RAB5B: variants seen among roughly 807,000 people sequenced by gnomAD.
The protein encoded by RAB5B is ras-related protein Rab-5B.
In RAB5B, 11 loss-of-function variants were observed where a neutral mutation model predicts 28.6. That is an observed-to-expected ratio of 0.38 (90% CI 0.24 to 0.64). RAB5B has a LOEUF of 0.64. Among genes scored for constraint, RAB5B ranks in the 30% least tolerant of loss-of-function variants. RAB5B has a pLI of 0.53. For missense variants in RAB5B, 169 were observed against 265.6 expected (o/e 0.64, Z 2.53); for synonymous variants, 93 against 97.9 (o/e 0.95, Z 0.29).
In RAB5B at chr12:55,992,389, G is replaced by A. The variant is rs1195866855; in HGVS notation, c.*177G>A. The A allele has an allele frequency of 1.4e-6, 1 of 691,504 alleles. No individual in the cohort carries two copies. Among genetic ancestry groups the A allele is most frequent in the South Asian group, 1.5e-5 (1 of 64,780 alleles). 42.8% of individuals were successfully genotyped at this position (691,504 alleles called of 1,614,324 possible). ...TTAACGCTTCAGCAACAAACACCAG[G>A]CAGCTGTTGCCACTGGCCTCCTACC... is the stretch of plus-strand genomic sequence containing the variant. On this transcript the variant is annotated 3_prime_UTR_variant, in exon 6 of 6. Coordinates refer to ENST00000360299, the MANE Select transcript of RAB5B (RefSeq NM_002868.4).
At chr12:55,990,964 CA>C (rs1890097631) in intron 4 of RAB5B, 160 bp downstream of exon 4, 4 of 947,814 alleles carry the variant, frequency 4.2e-6, no homozygotes, top group Non-Finnish European at 6.2e-6. Flanking sequence ...ACCCTAATGA[CA>C]GCCAGGAGAT....
intron 1 of RAB5B, chr12:55,981,128 A>T: frequency 9.2e-7 from 1 of 1,085,244 alleles, no homozygotes; most frequent in Non-Finnish European, 1.4e-6. Context: ...CAGTCGTGTG[A>T]TCTCGGCTCA....
intron 1 of RAB5B, among the ~76,000 whole-genome samples, chr12:55,982,769 C>T (rs1343918839): frequency 2.0e-5 from 3 of 152,158 alleles, no homozygotes; most frequent in Non-Finnish European, 2.9e-5. Flanking sequence ...GCAACTCAAG[C>T]GTGTCTGCAA....
chr12:55,987,009 A>T lies in RAB5B; in HGVS notation c.49A>T (p.Lys17Ter), dbSNP rs750928426. Residue 17 changes from lysine to a stop codon, truncating the protein, a stop_gained, in exon 2 of 6, where the codon AAA (lysine) becomes TAA (stop). Coordinates refer to ENST00000360299, the MANE Select transcript of RAB5B (RefSeq NM_002868.4). LOFTEE classifies it high-confidence loss of function. ...GCCCAATGGGCAACCCCAGGCCAGCAAAATTTGCCAGTTCAAATTGGTCCT... is the reference window on the plus strand; with the variant it reads ...GCCCAATGGGCAACCCCAGGCCAGCTAAATTTGCCAGTTCAAATTGGTCCT... ...ARPNGQPQAS[K>*]ICQFKLVLLG... is the part of the protein sequence containing the mutation. 1 of 1,590,722 alleles carries T rather than the reference A, an allele frequency of 6.3e-7. No individual in the cohort carries two copies. Among genetic ancestry groups the T allele is most frequent in the East Asian group, 2.3e-5 (1 of 43,072 alleles).
At chr12:55,980,945 T>G in intron 1 of RAB5B, 2 of 1,613,944 alleles carry the variant, frequency 1.2e-6, no homozygotes, top group Non-Finnish European at 8.5e-7. Flanking sequence ...GAAGTTGTCC[T>G]CTGCAAAGCG....
At chr12:55,990,584 A>AC in intron 3 of RAB5B, 98 bp from the exon 4 acceptor site, 2 of 1,459,192 alleles carry the variant, frequency 1.4e-6, no homozygotes, top group Non-Finnish European at 1.9e-6. Context: ...CTGAGGGAAG[A>AC]CCACCTAGAA....
At position 55,990,822 on chromosome 12, in the gene RAB5B, G is replaced by C. The variant is rs528966118; in HGVS notation, c.438+18G>C. On this transcript the variant is annotated intron_variant, in intron 4 of 5. Transcript: ENST00000360299. The stretch of plus-strand genomic sequence containing the variant: ...AGTATGAAGTAAGGTGGCCCGTGGA[G>C]TTCCTCTCTAACACTTCCTCTGTTC... 50 of 1,612,708 alleles carry C rather than the reference G, an allele frequency of 3.1e-5. No individual in the cohort carries two copies. In the South Asian group the frequency reaches 5.3e-4, roughly 17 times the overall value.
At chr12:55,982,354 T>G (rs1889832869) in intron 1 of RAB5B, among the ~76,000 whole-genome samples, 1 of 151,882 alleles carries the variant, frequency 6.6e-6, no homozygotes, top group South Asian at 2.1e-4. Flanking sequence ...TTTTTGAGAG[T>G]CTAGCTATTA....
intron 5 of RAB5B, 157 bp downstream of exon 5, chr12:55,991,610 A>G (rs1890124093): frequency 1.7e-6 from 1 of 597,878 alleles, no homozygotes; most frequent in Non-Finnish European, 3.0e-6. Flanking sequence ...CCTTGGCTGC[A>G]GCTTTAGCTC....
Position 55,996,622 on chromosome 12 carries a change from G to A in RAB5B, c.*4410G>A, listed in dbSNP as rs1383648626. 1.3e-5 allele frequency: 2 copies of A among 152,102 alleles called. No homozygotes were observed. The highest frequency in any genetic ancestry group is 2.9e-5 in the Non-Finnish European group (2 of 68,032). The allele number at this position is 152,102 out of a possible 1,614,324, so 9.4% of individuals were successfully genotyped here. A position where few individuals can be genotyped will look rare whatever the true frequency, so the allele number is the denominator to read the frequency against. On this transcript the variant is annotated 3_prime_UTR_variant, in exon 6 of 6. Transcript: ENST00000360299. Reference sequence around the variant, plus strand: ...CCTCCCGAGTACTGGGACTACAGGCGTGTGCCACCAAGGGGCGATTATTAT... The same window carrying A: ...CCTCCCGAGTACTGGGACTACAGGCATGTGCCACCAAGGGGCGATTATTAT...
chr12:55,987,967 T>A (rs745591721), intron 2 of RAB5B, among the ~76,000 whole-genome samples: 1 of 150,616 alleles, frequency 6.6e-6, no homozygotes, highest in South Asian at 2.1e-4. Context: ...GCCAACAAGG[T>A]GAAATCCCCG....
chr12:55,992,435 G>T lies in RAB5B; in HGVS notation c.*223G>T. ...CTACCCCCTACTCTGGGGCTTGGGG[G>T]TCAACTCCCCCCAGGACTTACCTTC... On this transcript the variant is annotated 3_prime_UTR_variant, in exon 6 of 6. Transcript: ENST00000360299. The T allele has an allele frequency of 1.5e-6, 1 of 679,778 alleles. No individual in the cohort carries two copies. Among genetic ancestry groups the T allele is most frequent in the Admixed American group, 2.1e-5 (1 of 47,792 alleles). The allele number at this position is 679,778 out of a possible 1,614,324, so 42.1% of individuals were successfully genotyped here.
At chr12:55,987,169 T>G (rs765031067) in intron 2 of RAB5B, 46 bp downstream of exon 2, 2 of 1,509,894 alleles carry the variant, frequency 1.3e-6, no homozygotes, top group Non-Finnish European at 1.8e-6. Flanking sequence ...GGTAAGGGTT[T>G]TTTTTTTTTT....
rs1890215279 is a variant in RAB5B at position 55,994,049 on chromosome 12, C to T, written c.*1837C>T. 1 of 152,664 alleles carries T rather than the reference C, an allele frequency of 6.6e-6. No homozygotes were observed. The allele number at this position is 152,664 out of a possible 1,614,324, so 9.5% of individuals were successfully genotyped here. A position where few individuals can be genotyped will look rare whatever the true frequency, so the allele number is the denominator to read the frequency against. On this transcript the variant is annotated 3_prime_UTR_variant, in exon 6 of 6. Transcript: ENST00000360299. The stretch of plus-strand genomic sequence containing the variant: ...CCTTCCTGCCCTTTTGGCTTGCAGA[C>T]TGCCTTCTATCCCAGAACAGCTGAG...
chr12:55,990,130 CTGGACATGG>C (rs1890066236), intron 3 of RAB5B, 32 bp downstream of exon 3: 5 of 1,593,186 alleles, frequency 3.1e-6, no homozygotes, highest in Non-Finnish European at 3.4e-6. Flanking sequence ...TCCTTGTTGG[CTGGACATGG>C]TGGCTTACGC....
At chr12:55,982,007 C>T (rs1409083350) in intron 1 of RAB5B, among the ~76,000 whole-genome samples, 3 of 151,774 alleles carry the variant, frequency 2.0e-5, no homozygotes, top group South Asian at 2.1e-4. Context: ...TCACCATGTT[C>T]GCCAGACTGG....
chr12:55,996,489 T>G lies in RAB5B; in HGVS notation c.*4277T>G, dbSNP rs912637182. 6.6e-6 allele frequency: 1 copy of G among 152,212 alleles called. No homozygotes were observed. Among genetic ancestry groups the G allele is most frequent in the Non-Finnish European group, 1.5e-5 (1 of 68,062 alleles). 9.4% of individuals were successfully genotyped at this position (152,212 alleles called of 1,614,324 possible). A position where few individuals can be genotyped will look rare whatever the true frequency, so the allele number is the denominator to read the frequency against. On this transcript the variant is annotated 3_prime_UTR_variant, in exon 6 of 6. Transcript: ENST00000360299. The stretch of plus-strand genomic sequence containing the variant: ...TTGCTCTTGTTAAGGGGCAGTTTGT[T>G]TTTTAAGAGATGGGGTCTTGCTCTG...
chr12:55,993,640 CCT>C lies in RAB5B; in HGVS notation c.*1429_*1430del. 1 of 152,664 alleles carries C rather than the reference CCT, an allele frequency of 6.6e-6. No homozygotes were observed. The highest frequency in any genetic ancestry group is 1.9e-4 in the East Asian group (1 of 5,182). 9.5% of individuals were successfully genotyped at this position (152,664 alleles called of 1,614,324 possible). On this transcript the variant is annotated 3_prime_UTR_variant, in exon 6 of 6. Coordinates refer to ENST00000360299, the MANE Select transcript of RAB5B (RefSeq NM_002868.4). Reference sequence around the variant, plus strand: ...TTCTATCCTCTGCCTCCCATCAGGCCCTGTTTCTTTGTTCCTTTGTTAATATC... The same window carrying C: ...TTCTATCCTCTGCCTCCCATCAGGCCGTTTCTTTGTTCCTTTGTTAATATC...
chr12:55,990,914 T>C, intron 4 of RAB5B, 110 bp downstream of exon 4: 3 of 1,354,032 alleles, frequency 2.2e-6, no homozygotes, highest in Non-Finnish European at 3.1e-6. Flanking sequence ...CATTGTCTCA[T>C]TCCCCAGTTC....
Sources: gnomAD v4.1 joint callset for allele counts (sites outside exome capture counted in the v4.1 genomes callset) on GRCh38, gnomAD v4.1.1 for gene constraint, MANE v1.5 for transcripts, NCBI Gene and HGNC (gene_info 2026-07-23, HGNC 2026-07-21) for gene names.